The following FANCA variants were observed in gnomAD, a reference collection of about 807,000 sequenced individuals.
The protein encoded by FANCA is Fanconi anemia group A protein.
A neutral mutation model predicts 194.3 loss-of-function variants in FANCA; 236 were observed. That is an observed-to-expected ratio of 1.21 (90% confidence interval 1.09 to 1.35). The LOEUF (loss-of-function observed/expected upper bound fraction) is 1.35. FANCA is among the 40% of genes most tolerant of loss of function. The pLI is 0.00. For missense variants in FANCA, 2,628 were observed against 1,813.9 expected (o/e 1.45, Z -8.15); for synonymous variants, 1,014 against 715.8 (o/e 1.42, Z -6.65).
intron 5 of FANCA, among the ~76,000 whole-genome samples, chr16:89,810,095 G>C (rs938994662): frequency 3.3e-4 from 50 of 151,918 alleles, no homozygotes; most frequent in Non-Finnish European, 6.5e-4. Context: ...GGCCGAGGTG[G>C]GCAGATCACG....
chr16:89,776,213 A>G (rs1328150407), intron 20 of FANCA, among the ~76,000 whole-genome samples: 9 of 125,838 alleles, frequency 7.2e-5, no homozygotes, highest in Non-Finnish European at 1.4e-4. Flanking sequence ...TATCACCCAC[A>G]CTGGAGTGCA....
intron 3 of FANCA, among the ~76,000 whole-genome samples, chr16:89,811,974 G>A (rs967216175): frequency 3.3e-5 from 5 of 150,558 alleles, no homozygotes; most frequent in East Asian, 2.0e-4. Flanking sequence ...TCATTAATCC[G>A]CCCGCCTCGG....
intron 14 of FANCA, among the ~76,000 whole-genome samples, chr16:89,785,564 G>A (rs949382492): frequency 3.3e-5 from 5 of 152,182 alleles, no homozygotes; most frequent in African/African-American, 4.8e-5. Context: ...TCCCAGGAAC[G>A]AAGGGGGCTG....
At chr16:89,782,750 G>C in intron 17 of FANCA, 109 bp downstream of exon 17, 1 of 988,998 alleles carries the variant, frequency 1.0e-6, no homozygotes, top group Non-Finnish European at 1.6e-6. Flanking sequence ...GGCAAGACCA[G>C]ACATGAGACT....
At chr16:89,759,586 C>G (rs1330558136) in intron 29 of FANCA, among the ~76,000 whole-genome samples, 1 of 151,774 alleles carries the variant, frequency 6.6e-6, no homozygotes, top group Non-Finnish European at 1.5e-5. Flanking sequence ...CAAAGGGAGA[C>G]CCCATTCCTA....
At chr16:89,798,681 T>G in intron 10 of FANCA, 4 of 1,278,016 alleles carry the variant, frequency 3.1e-6, no homozygotes, top group Non-Finnish European at 4.0e-6. Context: ...CACAGAGCCA[T>G]GGAGAGAAAA....
rs375420388 is a variant in FANCA, at chr16:89,807,916, C to T, written c.596+378G>A. 2.2e-4 allele frequency among the ~76,000 whole-genome samples: 32 copies of T among 147,852 alleles called. No individual in the cohort carries two copies. In the East Asian group the frequency reaches 4.4e-3, roughly 20 times the overall value. ...ATAAATACATAACAAAAATTAGCTG[C>T]GTGTGGTGGCGGGCGCCTGTAATCC... On this transcript the variant is annotated intron_variant, in intron 6 of 42. Coordinates refer to ENST00000389301, the MANE Select transcript of FANCA (RefSeq NM_000135.4).
In FANCA at chr16:89,808,196, G is replaced by A. The variant is rs2040737514; in HGVS notation, c.596+98C>T. ...AGTCTAGTACAAATTATATGTCAAA[G>A]CCAGAAATCAAACCCGTCTGATTCT... On this transcript the variant is annotated intron_variant, in intron 6 of 42. Transcript: ENST00000389301. The A allele has an allele frequency of 4.4e-6, 5 of 1,144,950 alleles. No individual in the cohort carries two copies. The South Asian group carries it at 6.1e-5, about 14-fold the overall frequency. 70.9% of individuals were successfully genotyped at this position (1,144,950 alleles called of 1,614,324 possible).
chr16:89,744,531 C>T (rs1024080728), intron 36 of FANCA, among the ~76,000 whole-genome samples: 19 of 152,130 alleles, frequency 1.2e-4, no homozygotes, highest in African/African-American at 2.6e-4. Flanking sequence ...CCTACCAGCA[C>T]GCGGTGCACT....
At chr16:89,791,367 A>T (rs2040071207) in intron 14 of FANCA, 36 bp downstream of exon 14, 1 of 1,610,930 alleles carries the variant, frequency 6.2e-7, no homozygotes, top group African/African-American at 1.3e-5. Context: ...TTCTGGGAAG[A>T]TCAGGTATTA....
chr16:89,785,853 GTTTTGTT>G (rs1194780724), intron 14 of FANCA, among the ~76,000 whole-genome samples: 3 of 113,166 alleles, frequency 2.7e-5, no homozygotes, highest in Non-Finnish European at 5.1e-5. Flanking sequence ...GCAAAATTGT[GTTTTGTT>G]TTTTTTTTTT....
In FANCA at chr16:89,742,906, G is replaced by T; in HGVS notation, c.3659C>A (p.Pro1220His). Residue 1220 changes from proline (P) to histidine (H), a missense_variant, in exon 37 of 43, where the codon CCC (proline) becomes CAC (histidine). By Grantham distance (77) the Pro-to-His change is moderately conservative (BLOSUM62 -2). Transcript: ENST00000389301. ...FLSPEAASPA[P>H]NPDWLSAAAL... ...AGCAGCTGAGAGCCAGTCCGGGTTG[G>T]GTGCTGGGGAGGCAGCCTCAGGGGA... The T allele has an allele frequency of 6.2e-7, 1 of 1,614,126 alleles. No homozygotes were observed. The highest frequency in any genetic ancestry group is 8.5e-7 in the Non-Finnish European group (1 of 1,180,024).
intron 6 of FANCA, 34 bp from the exon 7 acceptor site, chr16:89,805,426 A>C: frequency 2.0e-6 from 3 of 1,536,908 alleles, no homozygotes; most frequent in African/African-American, 2.7e-5. Flanking sequence ...CGTAAGGCTC[A>C]ACTAAATCCC....
rs534111640 is a variant in FANCA, at chr16:89,801,123, G to A, written c.793-1485C>T. 3.3e-5 allele frequency among the ~76,000 whole-genome samples: 5 copies of A among 151,524 alleles called. No individual in the cohort carries two copies. The South Asian group carries it at 1.0e-3, about 32-fold the overall frequency. On this transcript the variant is annotated intron_variant, in intron 8 of 42. Coordinates refer to ENST00000389301, the MANE Select transcript of FANCA (RefSeq NM_000135.4). ...CACTTTGAGAGGCCAAGGTGGGCGG[G>A]TCATGAGATCAGAAGTTCGAGACCA... is the stretch of plus-strand genomic sequence containing the variant.
chr16:89,744,057 C>A (rs1179107063), intron 36 of FANCA, among the ~76,000 whole-genome samples: 1 of 152,006 alleles, frequency 6.6e-6, no homozygotes, highest in Non-Finnish European at 1.5e-5. Flanking sequence ...ACTATCACAC[C>A]CAGCTCATTT....
intron 23 of FANCA, among the ~76,000 whole-genome samples, 168 bp downstream of exon 23, chr16:89,771,510 G>A (rs1309950079): frequency 6.6e-6 from 1 of 152,132 alleles, no homozygotes; most frequent in Non-Finnish European, 1.5e-5. Flanking sequence ...TACACAAACA[G>A]ACTGTGGCAG....
In FANCA at chr16:89,765,073, C is replaced by G; in HGVS notation, c.2602-7G>C. ...TGAACATGAGGAACTGAAACTGAAA[C>G]AGAGAGTGACCCGGCCGTTTCTTCA... On this transcript the variant is annotated splice_polypyrimidine_tract_variant and splice_region_variant and intron_variant, in intron 27 of 42. Coordinates refer to ENST00000389301, the MANE Select transcript of FANCA (RefSeq NM_000135.4). 2 of 1,613,956 alleles carry G rather than the reference C, an allele frequency of 1.2e-6. No individual in the cohort carries two copies. Among genetic ancestry groups the G allele is most frequent in the Non-Finnish European group, 1.7e-6 (2 of 1,179,872 alleles).
intron 3 of FANCA, 39 bp from the exon 4 acceptor site, chr16:89,811,110 A>G (rs775905595): frequency 1.2e-6 from 2 of 1,612,476 alleles, no homozygotes; most frequent in South Asian, 1.1e-5. Context: ...CTCTTAACAC[A>G]TGAGACAAAA....
intron 11 of FANCA, among the ~76,000 whole-genome samples, chr16:89,795,283 CCAA>C (rs2040203907): frequency 2.0e-5 from 2 of 98,432 alleles, no homozygotes; most frequent in African/African-American, 9.1e-5. Context: ...GACTCCATCT[CCAA>C]TAAATAAATA....
Sources: allele counts gnomAD v4.1 joint callset (sites outside exome capture counted in the v4.1 genomes callset), GRCh38; gene constraint gnomAD v4.1.1; transcripts MANE v1.5; gene names NCBI Gene and HGNC (gene_info 2026-07-23, HGNC 2026-07-21).